TPST1: variants seen among roughly 807,000 people sequenced by gnomAD.
The protein encoded by TPST1 is tyrosylprotein sulfotransferase 1, also known as protein-tyrosine sulfotransferase 1.
Under a neutral mutation model 34.8 loss-of-function variants are expected in TPST1, and 20 were observed. The ratio of observed to expected loss-of-function variants is 0.57; its 90% confidence interval spans 0.40 to 0.84. TPST1 has a LOEUF of 0.84. Ranked by LOEUF, TPST1 falls within the 40% of genes least tolerant of loss-of-function variation. The probability of loss-of-function intolerance (pLI) is 0.00; values close to 1 mark genes in which losing one functional copy is unlikely to be tolerated. For synonymous variants in TPST1, 152 were observed against 159.4 expected (o/e 0.95, Z 0.35); for missense variants, 353 against 455.5 (o/e 0.78, Z 2.05).
chr7:66,266,723 C>T (rs1387005806), intron 2 of TPST1, among the ~76,000 whole-genome samples: 1 of 152,216 alleles, frequency 6.6e-6, no homozygotes, highest in African/African-American at 2.4e-5. Context: ...ACCAGTGATA[C>T]ATACAACATG....
intron 3 of TPST1, among the ~76,000 whole-genome samples, chr7:66,327,678 G>A (rs1223963903): frequency 2.6e-5 from 4 of 151,066 alleles, no homozygotes; most frequent in African/African-American, 9.7e-5. Context: ...AGCCGTGATT[G>A]TGCTACTGTA....
At chr7:66,329,968 A>C (rs1240840138) in intron 3 of TPST1, among the ~76,000 whole-genome samples, 1 of 152,174 alleles carries the variant, frequency 6.6e-6, no homozygotes, top group Non-Finnish European at 1.5e-5. Context: ...GGAAGGAAAA[A>C]TAAGGGTTGA....
In TPST1 at chr7:66,332,653, A is replaced by G. The variant is rs1421707726; in HGVS notation, c.1045-19852A>G. 1.3e-5 allele frequency among the ~76,000 whole-genome samples: 2 copies of G among 152,094 alleles called. No homozygotes were observed. Among genetic ancestry groups the G allele is most frequent in the Non-Finnish European group, 2.9e-5 (2 of 68,020 alleles). On this transcript the variant is annotated intron_variant, in intron 3 of 5. Coordinates refer to ENST00000304842, the MANE Select transcript of TPST1 (RefSeq NM_003596.4). This position sits in a 1 kb window ranked among gnomAD's most constrained non-coding sequence, Gnocchi z 4.5. ...TCCACATCCATAGATTCAACTAACC[A>G]TGGACTGAAAATATGTGGGGGGGAA...
intron 3 of TPST1, among the ~76,000 whole-genome samples, chr7:66,299,470 C>T (rs1791270479): frequency 6.6e-6 from 1 of 151,912 alleles, no homozygotes. Flanking sequence ...AGTCAGCTGA[C>T]ATTCTTATGA....
chr7:66,277,875 G>C (rs1173873941), intron 2 of TPST1, among the ~76,000 whole-genome samples: 1 of 151,936 alleles, frequency 6.6e-6, no homozygotes, highest in African/African-American at 2.4e-5. Flanking sequence ...TAGGCTGGGT[G>C]GATCACTTGA....
intron 1 of TPST1, among the ~76,000 whole-genome samples, chr7:66,215,773 TTC>T (rs1491186853): frequency 0.034 from 3,122 of 91,662 alleles, 144 homozygotes; most frequent in Non-Finnish European, 0.049. Flanking sequence ...TTCTTTTTCT[TTC>T]TTTTTTTTTT....
chr7:66,282,901 T>G (rs1790960474), intron 2 of TPST1, among the ~76,000 whole-genome samples: 1 of 152,210 alleles, frequency 6.6e-6, no homozygotes, highest in African/African-American at 2.4e-5. Context: ...AAACACTTGT[T>G]TCTTTTCTCC....
Position 66,332,260 on chromosome 7 carries a change from T to C in TPST1, c.1045-20245T>C, listed in dbSNP as rs947693315. On this transcript the variant is annotated intron_variant, in intron 3 of 5. Transcript: ENST00000304842. This position sits in a 1 kb window ranked among gnomAD's most constrained non-coding sequence, Gnocchi z 4.5. ...TTTATTTTAAGTTGCACTGAGACTT[T>C]TGTTTACATCTTTTTTTTTTTTTTG... is the stretch of plus-strand genomic sequence containing the variant. Among the ~76,000 whole-genome samples, 2 of 151,988 alleles carry C rather than the reference T, an allele frequency of 1.3e-5. No individual in the cohort carries two copies. Among genetic ancestry groups the C allele is most frequent in the African/African-American group, 2.4e-5 (1 of 41,396 alleles).
chr7:66,227,027 G>GTTTTTTTTTTTTTTT (rs1390977469), intron 1 of TPST1, among the ~76,000 whole-genome samples: 2 of 46,034 alleles, frequency 4.3e-5, no homozygotes, highest in African/African-American at 2.2e-4. Flanking sequence ...CTTAAAATAA[G>GTTTTTTTTTTTTTTT]CTTTTTTTTT....
rs754403407 is a variant in TPST1, at chr7:66,207,291, T to C, written c.-102+1769T>C. On this transcript the variant is annotated intron_variant, in intron 1 of 5. Transcript: ENST00000304842. ...GACTCTTTGTCCTACTCTTGCCTTC[T>C]CTTCATTGCTTATTTTGCCACTTAA... is the stretch of plus-strand genomic sequence containing the variant. 1.4e-3 allele frequency among the ~76,000 whole-genome samples: 211 copies of C among 152,316 alleles called. 1 individual carries two copies. Among genetic ancestry groups the C allele is most frequent in the Non-Finnish European group, 4.7e-4 (32 of 68,026 alleles).
Position 66,286,533 on chromosome 7 carries a change from G to A in TPST1, c.868G>A (p.Val290Ile). 6.3e-7 allele frequency: 1 copy of A among 1,598,732 alleles called. No homozygotes were observed. Among genetic ancestry groups the A allele is most frequent in the Non-Finnish European group, 8.5e-7 (1 of 1,171,398 alleles). Residue 290 changes from valine (V) to isoleucine (I), a missense_variant, in exon 3 of 6, where the codon GTA becomes ATA. Val to Ile is a conservative substitution (Grantham distance 29, BLOSUM62 3). Transcript: ENST00000304842. ...CAGAGTGGAGAGATCTACAGACCAAGTAATCAAGCCAGTCAATGTAGGAGC... is the reference window on the plus strand; with the variant it reads ...CAGAGTGGAGAGATCTACAGACCAAATAATCAAGCCAGTCAATGTAGGAGC... ...LSKVERSTDQ[V>I]IKPVNVGALS...
intron 2 of TPST1, among the ~76,000 whole-genome samples, chr7:66,251,155 C>T (rs1187371781): frequency 3.3e-5 from 5 of 152,046 alleles, no homozygotes; most frequent in Admixed American, 6.6e-5. Context: ...ATAGGGTTGT[C>T]GTGAGGATTT....
At chr7:66,298,372 T>A (rs939201643) in intron 3 of TPST1, among the ~76,000 whole-genome samples, 6 of 152,226 alleles carry the variant, frequency 3.9e-5, no homozygotes, top group African/African-American at 9.6e-5. Context: ...GTAACTCTTT[T>A]GTAATTATGA....
chr7:66,238,297 T>G (rs1789952374), intron 1 of TPST1, among the ~76,000 whole-genome samples: 1 of 152,068 alleles, frequency 6.6e-6, no homozygotes, highest in Admixed American at 6.5e-5. Flanking sequence ...CCTAAATGGG[T>G]CCTGTTAAGA....
intron 3 of TPST1, among the ~76,000 whole-genome samples, chr7:66,325,218 AACTC>A (rs1280505748): frequency 6.6e-6 from 1 of 152,144 alleles, no homozygotes; most frequent in Non-Finnish European, 1.5e-5. Flanking sequence ...ATCTCGTGAG[AACTC>A]ACTCACTATC....
At chr7:66,245,122 C>T (rs543846829) in intron 2 of TPST1, among the ~76,000 whole-genome samples, 1 of 152,240 alleles carries the variant, frequency 6.6e-6, no homozygotes, top group African/African-American at 2.4e-5. Flanking sequence ...TTATTAAATT[C>T]ATAACTTTCT....
chr7:66,233,467 C>T (rs755605366), intron 1 of TPST1, among the ~76,000 whole-genome samples: 1 of 152,142 alleles, frequency 6.6e-6, no homozygotes, highest in Non-Finnish European at 1.5e-5. Context: ...CTCTTATTTC[C>T]TCACTGAATT....
chr7:66,335,864 G>A (rs1053916186), intron 3 of TPST1, among the ~76,000 whole-genome samples: 6 of 152,182 alleles, frequency 3.9e-5, no homozygotes, highest in African/African-American at 1.4e-4. Flanking sequence ...GTCCTCAAAT[G>A]TGCAAGCATC....
intron 1 of TPST1, among the ~76,000 whole-genome samples, chr7:66,213,863 C>A (rs940213935): frequency 1.1e-4 from 17 of 151,888 alleles, no homozygotes; most frequent in Non-Finnish European, 2.4e-4. Flanking sequence ...TGTGGTTTTC[C>A]TGGTTCTTGC....
Sources: gnomAD v4.1 joint callset for allele counts (sites outside exome capture counted in the v4.1 genomes callset) on GRCh38, gnomAD v4.1.1 for gene constraint, Gnocchi (gnomAD v3.1) non-coding constraint, MANE v1.5 for transcripts, NCBI Gene and HGNC (gene_info 2026-07-23, HGNC 2026-07-21) for gene names.